GLS: variants seen among roughly 807,000 people sequenced by gnomAD.
GLS encodes the protein glutaminase.
In GLS, 36 loss-of-function variants were observed where a neutral mutation model predicts 86.7. The observed-to-expected ratio is 0.42, with a 90% CI of 0.32 to 0.55. The LOEUF is 0.55. Ranked by LOEUF, GLS falls within the 20% of genes least tolerant of loss-of-function variation. The pLI, the probability that GLS is intolerant of heterozygous loss-of-function variation, is 0.17. For missense variants in GLS, 528 were observed against 833.4 expected, an observed-to-expected ratio of 0.63 and a Z score of 4.51; for synonymous variants, 317 against 305.9, an observed-to-expected ratio of 1.04 and a Z score of -0.38.
rs1187692860 is a variant in GLS, at chr2:190,906,726, A to G, written c.979+1559A>G. 5.9e-5 allele frequency among the ~76,000 whole-genome samples: 9 copies of G among 152,288 alleles called. No homozygotes were observed. The East Asian group carries it at 1.7e-3, about 29-fold the overall frequency. ...CCTGATTTAGTTTAGCCCAGCAAAAACAATTTGAAGATCTCGTTCATATTT... is the reference window on the plus strand; with the variant it reads ...CCTGATTTAGTTTAGCCCAGCAAAAGCAATTTGAAGATCTCGTTCATATTT... On this transcript the variant is annotated intron_variant, in intron 6 of 17. Transcript: ENST00000320717.
chr2:190,928,892 GTTTTTTTTTTTT>G (rs367999647), intron 12 of GLS, among the ~76,000 whole-genome samples: 3 of 12,828 alleles, frequency 2.3e-4, no homozygotes, highest in Admixed American at 1.3e-3. Flanking sequence ...ATTCAGGTGT[GTTTTTTTTTTTT>G]TTTTTTTTTT....
At position 190,938,968 on chromosome 2, in the gene GLS, C is replaced by T. The variant is rs1042004171; in HGVS notation, c.1650+7331C>T. Among the ~76,000 whole-genome samples the T allele has an allele frequency of 5.9e-5, 9 of 151,690 alleles. No homozygotes were observed. The highest frequency in any genetic ancestry group is 2.2e-4 in the African/African-American group (9 of 41,434). ...AAATCTAAAAATAAATGTTACATCA[C>T]TGGCTTTTTAAAATAAATTCCTTTG... On this transcript the variant is annotated intron_variant, in intron 14 of 17. Coordinates refer to ENST00000320717, the MANE Select transcript of GLS (RefSeq NM_014905.5). The surrounding 1 kb of genome is among the most constrained non-coding windows in gnomAD (Gnocchi z 4.1).
intron 5 of GLS, among the ~76,000 whole-genome samples, chr2:190,903,004 T>G (rs1005137371): frequency 6.6e-6 from 1 of 152,228 alleles, no homozygotes; most frequent in Non-Finnish European, 1.5e-5. Flanking sequence ...ATTTTAGATT[T>G]TACTTTTCAA....
chr2:190,933,463 T>A, intron 14 of GLS: 1 of 859,854 alleles, frequency 1.2e-6, no homozygotes, highest in Non-Finnish European at 1.4e-6. Context: ...ATTTATCAAA[T>A]GCTTTAAAAT....
At chr2:190,908,571 G>A (rs1020817786) in intron 6 of GLS, among the ~76,000 whole-genome samples, 1 of 152,162 alleles carries the variant, frequency 6.6e-6, no homozygotes, top group Non-Finnish European at 1.5e-5. Flanking sequence ...TATTAGTGTT[G>A]TAGGTTATTT....
At chr2:190,944,285 T>G (rs1298649832) in intron 14 of GLS, among the ~76,000 whole-genome samples, 1 of 152,006 alleles carries the variant, frequency 6.6e-6, no homozygotes, top group Non-Finnish European at 1.5e-5. Context: ...GACTTTTGGG[T>G]TTTATGTACT....
At chr2:190,933,614 T>C in intron 14 of GLS, 1 of 946,890 alleles carries the variant, frequency 1.1e-6, no homozygotes, top group Non-Finnish European at 1.3e-6. Context: ...AAAGCTATAA[T>C]GGTTAGTTAC....
At chr2:190,950,405 CA>C (rs1690689159) in intron 14 of GLS, among the ~76,000 whole-genome samples, 1 of 152,020 alleles carries the variant, frequency 6.6e-6, no homozygotes, top group African/African-American at 2.4e-5. Context: ...AGGCCTAAGG[CA>C]ATAGTGATAG....
At chr2:190,918,408 G>T (rs186291006) in intron 7 of GLS, among the ~76,000 whole-genome samples, 1 of 152,196 alleles carries the variant, frequency 6.6e-6, no homozygotes, top group Non-Finnish European at 1.5e-5. Flanking sequence ...ACCCTTTTCC[G>T]CAGCTTCCTC....
intron 1 of GLS, among the ~76,000 whole-genome samples, chr2:190,883,685 A>G (rs1207447789): frequency 3.9e-5 from 6 of 152,224 alleles, no homozygotes; most frequent in African/African-American, 1.2e-4. Context: ...AAAAATGTTT[A>G]TCTTGAGAAA....
intron 4 of GLS, 146 bp from the exon 5 acceptor site, chr2:190,901,801 C>G (rs1195346242): frequency 5.0e-6 from 3 of 595,738 alleles, no homozygotes; most frequent in African/African-American, 1.9e-5. Flanking sequence ...AGCATTGTTA[C>G]AGAAGATAGA....
rs57991546 is a variant in GLS, at chr2:190,953,950, ATGTGTGTGTGTGTGTGTG to A, written c.1712+353_1712+370del. Among the ~76,000 whole-genome samples the A allele has an allele frequency of 9.5e-5, 13 of 136,764 alleles. No individual in the cohort carries two copies. Among genetic ancestry groups the A allele is most frequent in the East Asian group, 6.7e-4 (3 of 4,486 alleles). The allele number at this position is 136,764 out of a possible 152,430, so 89.7% of individuals were successfully genotyped here. On this transcript the variant is annotated intron_variant, in intron 15 of 17. Coordinates refer to ENST00000320717, the MANE Select transcript of GLS (RefSeq NM_014905.5). The surrounding 1 kb of genome is among the most constrained non-coding windows in gnomAD (Gnocchi z 4.0). ...CTACCCTCCATTCCCAATCTTTGAT[ATGTGTGTGTGTGTGTGTG>A]TGTGTGTGTGTGTGTGTGTGTGTGT...
chr2:190,948,073 A>C (rs1455046143), intron 14 of GLS, among the ~76,000 whole-genome samples: 1 of 152,230 alleles, frequency 6.6e-6, no homozygotes, highest in Non-Finnish European at 1.5e-5. Context: ...TGCTAGAAAG[A>C]AGAGGAATTT....
intron 5 of GLS, among the ~76,000 whole-genome samples, chr2:190,902,910 G>A (rs1688996741): frequency 6.6e-6 from 1 of 152,088 alleles, no homozygotes; most frequent in Non-Finnish European, 1.5e-5. Context: ...CAACTTGTAA[G>A]TGAACACAGC....
At chr2:190,957,500 A>T (rs573887133) in intron 17 of GLS, among the ~76,000 whole-genome samples, 3 of 152,208 alleles carry the variant, frequency 2.0e-5, no homozygotes, top group Non-Finnish European at 4.4e-5. Flanking sequence ...TTCAAAGGGA[A>T]TGCTTCCAGT....
chr2:190,945,636 G>C (rs1690558995), intron 14 of GLS, among the ~76,000 whole-genome samples: 1 of 151,024 alleles, frequency 6.6e-6, no homozygotes, highest in Admixed American at 6.6e-5. Context: ...CGGCACTCCA[G>C]TCTAGGCAAC....
chr2:190,936,263 G>T (rs758340120), intron 14 of GLS, among the ~76,000 whole-genome samples: 3 of 151,004 alleles, frequency 2.0e-5, no homozygotes, highest in Non-Finnish European at 4.5e-5. Flanking sequence ...TATTTATGTG[G>T]AAAGAACTGC....
Position 190,935,233 on chromosome 2 carries a change from C to A in GLS, c.1650+3596C>A. On this transcript the variant is annotated intron_variant, in intron 14 of 17. Coordinates refer to ENST00000320717, the MANE Select transcript of GLS (RefSeq NM_014905.5). The surrounding 1 kb of genome is among the most constrained non-coding windows in gnomAD (Gnocchi z 4.2). ...TTGCTTTGTATATTTAATAATGTAC[C>A]TTTATTTTCCAGTATGCCTACATTT... 1 of 789,098 alleles carries A rather than the reference C, an allele frequency of 1.3e-6. No homozygotes were observed. Among genetic ancestry groups the A allele is most frequent in the Non-Finnish European group, 1.5e-6 (1 of 651,424 alleles). 48.9% of individuals were successfully genotyped at this position (789,098 alleles called of 1,614,324 possible).
chr2:190,922,391 T>C (rs981423844), intron 9 of GLS, among the ~76,000 whole-genome samples: 2 of 152,208 alleles, frequency 1.3e-5, no homozygotes, highest in Non-Finnish European at 1.5e-5. Context: ...TCAGGTTGCA[T>C]GGCTTCCCAA....
Sources: allele counts gnomAD v4.1 joint callset (sites outside exome capture counted in the v4.1 genomes callset), GRCh38; gene constraint gnomAD v4.1.1; non-coding constraint Gnocchi (gnomAD v3.1); transcripts MANE v1.5; gene names NCBI Gene and HGNC (gene_info 2026-07-23, HGNC 2026-07-21).